OSCP1: variants seen among roughly 807,000 people sequenced by gnomAD.
OSCP1 encodes the protein protein OSCP1.
Under a neutral mutation model 45.1 loss-of-function variants are expected in OSCP1, and 35 were observed. The ratio of observed to expected loss-of-function variants is 0.78; its 90% CI spans 0.59 to 1.03. The LOEUF (loss-of-function observed/expected upper bound fraction) is 1.03. Ranked by LOEUF, OSCP1 falls within the 50% of genes least tolerant of loss-of-function variation. OSCP1 has a pLI of 0.00. For synonymous variants in OSCP1, 179 were observed against 180.1 expected (o/e 0.99, Z 0.05); for missense variants, 400 against 470.7 (o/e 0.85, Z 1.39).
intron 7 of OSCP1, among the ~76,000 whole-genome samples, chr1:36,420,874 C>T (rs1647577777): frequency 6.6e-6 from 1 of 152,164 alleles, no homozygotes; most frequent in Non-Finnish European, 1.5e-5. Context: ...ATCCACGTTT[C>T]TCCTCTCACT....
chr1:36,419,960 G>A (rs913202101), intron 8 of OSCP1, among the ~76,000 whole-genome samples: 4 of 150,920 alleles, frequency 2.7e-5, no homozygotes, highest in African/African-American at 9.8e-5. Flanking sequence ...CTACAGGTGC[G>A]CACCATCACA....
At chr1:36,446,207 G>A (rs905436818) in intron 1 of OSCP1, among the ~76,000 whole-genome samples, 1 of 151,632 alleles carries the variant, frequency 6.6e-6, no homozygotes, top group African/African-American at 2.4e-5. Context: ...ATTTTTTGTA[G>A]AGATGGGTTT....
intron 1 of OSCP1, among the ~76,000 whole-genome samples, chr1:36,448,738 A>G (rs937168034): frequency 7.2e-5 from 11 of 152,238 alleles, no homozygotes; most frequent in Non-Finnish European, 1.3e-4. Context: ...ACGAACAAAC[A>G]TGGTTTAAGC....
rs766868247 is a variant in OSCP1 at position 36,418,126 on chromosome 1, C to T, written c.*13G>A. 6.2e-7 allele frequency: 1 copy of T among 1,612,546 alleles called. No individual in the cohort carries two copies. The highest frequency in any genetic ancestry group is 8.5e-7 in the Non-Finnish European group (1 of 1,178,900). ...GCCTCTCCCTGGGGGCAGAGGACGC[C>T]TGGTCAGAACAGCTATAACTCATCC... On this transcript the variant is annotated 3_prime_UTR_variant, in exon 10 of 10. Transcript: ENST00000235532.
At chr1:36,424,065 C>T (rs1426023166) in intron 4 of OSCP1, among the ~76,000 whole-genome samples, 2 of 151,978 alleles carry the variant, frequency 1.3e-5, no homozygotes, top group South Asian at 4.2e-4. Context: ...CCCGTCATAG[C>T]CCCCAAGTAG....
chr1:36,447,499 G>A lies in OSCP1; in HGVS notation c.112+2759C>T, dbSNP rs1649619601. On this transcript the variant is annotated intron_variant, in intron 1 of 9. Coordinates refer to ENST00000235532, the MANE Select transcript of OSCP1 (RefSeq NM_145047.5). This position sits in a 1 kb window ranked among gnomAD's most constrained non-coding sequence, Gnocchi z 4.1. The stretch of plus-strand genomic sequence containing the variant: ...GTAAGGGGACATTGGCTGAGTATGA[G>A]GACATTGGTTATATGAGGGGACATT... 6.6e-6 allele frequency among the ~76,000 whole-genome samples: 1 copy of A among 152,024 alleles called. No individual in the cohort carries two copies. Among genetic ancestry groups the A allele is most frequent in the African/African-American group, 2.4e-5 (1 of 41,372 alleles).
At chr1:36,449,760 C>T (rs957246852) in intron 1 of OSCP1, among the ~76,000 whole-genome samples, 1 of 138,532 alleles carries the variant, frequency 7.2e-6, no homozygotes, top group Non-Finnish European at 1.5e-5. Context: ...TCGCTGGAAC[C>T]CAGGAGGCAG....
intron 1 of OSCP1, among the ~76,000 whole-genome samples, chr1:36,443,709 A>G (rs535825560): frequency 5.3e-5 from 8 of 152,358 alleles, no homozygotes; most frequent in South Asian, 2.1e-4. Context: ...AAGTATGGCT[A>G]TTGCCCCAGC....
chr1:36,432,518 C>A lies in OSCP1; in HGVS notation c.339G>T (p.Leu113=). The A allele has an allele frequency of 6.2e-7, 1 of 1,614,022 alleles. No individual in the cohort carries two copies. Among genetic ancestry groups the A allele is most frequent in the Non-Finnish European group, 8.5e-7 (1 of 1,179,994 alleles). Reference sequence around the variant, plus strand: ...TGGTATCCAAGTGATTGAAAGTGACCAGCAGCACATCCTTGGGTCGGGGAC... The same window carrying A: ...TGGTATCCAAGTGATTGAAAGTGACAAGCAGCACATCCTTGGGTCGGGGAC... ...LLCPRPKDVL[L]VTFNHLDTIK... The change falls in exon 3 of 10, where the codon CTG becomes CTT. Residue 113 remains leucine (L), a synonymous_variant. Coordinates refer to ENST00000235532, the MANE Select transcript of OSCP1 (RefSeq NM_145047.5).
chr1:36,422,310 G>A, intron 6 of OSCP1, 91 bp from the exon 7 acceptor site: 4 of 1,216,766 alleles, frequency 3.3e-6, no homozygotes, highest in Non-Finnish European at 4.8e-6. Context: ...CTTTTATTCT[G>A]AGACATTAAA....
intron 4 of OSCP1, among the ~76,000 whole-genome samples, chr1:36,426,908 G>A (rs554860839): frequency 1.3e-5 from 2 of 151,818 alleles, no homozygotes; most frequent in Non-Finnish European, 2.9e-5. Flanking sequence ...GTTTCACCAT[G>A]TTGGCCAGGC....
intron 1 of OSCP1, among the ~76,000 whole-genome samples, chr1:36,443,624 G>A (rs1211828885): frequency 6.6e-6 from 1 of 152,178 alleles, no homozygotes; most frequent in African/African-American, 2.4e-5. Context: ...GGTCACTCAT[G>A]TTGAAGCACA....
chr1:36,424,681 CAT>C (rs2124778348), intron 4 of OSCP1, among the ~76,000 whole-genome samples: 1 of 152,312 alleles, frequency 6.6e-6, no homozygotes, highest in African/African-American at 2.4e-5. Flanking sequence ...ACTGAAAACA[CAT>C]TACACTTATT....
At chr1:36,423,941 C>A (rs1167276783) in intron 4 of OSCP1, among the ~76,000 whole-genome samples, 1 of 140,938 alleles carries the variant, frequency 7.1e-6, no homozygotes, top group Non-Finnish European at 1.6e-5. Flanking sequence ...TGTATTTTAA[C>A]AAACAGAACT....
chr1:36,426,895 G>A (rs1478464076), intron 4 of OSCP1, among the ~76,000 whole-genome samples: 3 of 151,976 alleles, frequency 2.0e-5, no homozygotes, highest in Non-Finnish European at 4.4e-5. Context: ...TAGTAGGGAC[G>A]GGGTTTCACC....
At chr1:36,439,778 C>T (rs557978248) in intron 1 of OSCP1, among the ~76,000 whole-genome samples, 2 of 152,202 alleles carry the variant, frequency 1.3e-5, no homozygotes, top group Middle Eastern at 3.2e-3. Context: ...TGCTATATCT[C>T]ACACTGCTGT....
Position 36,423,354 on chromosome 1 carries a change from G to A in OSCP1, c.620+9C>T. ...CCAAACATAGCTCTGATCATTGTTG[G>A]GAATTCACCTGATGAGTCCTGGAAC... On this transcript the variant is annotated intron_variant, in intron 5 of 9. Transcript: ENST00000235532. 6.3e-7 allele frequency: 1 copy of A among 1,590,646 alleles called. No individual in the cohort carries two copies. The highest frequency in any genetic ancestry group is 8.6e-7 in the Non-Finnish European group (1 of 1,158,790).
intron 2 of OSCP1, among the ~76,000 whole-genome samples, chr1:36,435,693 C>T (rs528908296): frequency 1.3e-5 from 2 of 151,522 alleles, no homozygotes; most frequent in African/African-American, 2.4e-5. Flanking sequence ...AGTGCAATGG[C>T]GCGATCTTGG....
intron 1 of OSCP1, among the ~76,000 whole-genome samples, chr1:36,442,049 GA>G (rs958660613): frequency 1.3e-5 from 2 of 152,006 alleles, no homozygotes; most frequent in African/African-American, 4.8e-5. Context: ...CCAACATGGA[GA>G]AACCCCATCT....
Sources: allele counts gnomAD v4.1 joint callset (sites outside exome capture counted in the v4.1 genomes callset), GRCh38; gene constraint gnomAD v4.1.1; non-coding constraint Gnocchi (gnomAD v3.1); transcripts MANE v1.5; gene names NCBI Gene and HGNC (gene_info 2026-07-23, HGNC 2026-07-21).